The following TSGA10 variants were observed in gnomAD, a reference collection of about 807,000 sequenced individuals.
TSGA10 encodes testis specific 10.
TSGA10 carries 43 observed loss-of-function variants against 96.6 expected under a neutral mutation model. That is an observed-to-expected ratio of 0.44 (90% CI 0.35 to 0.57). The LOEUF (loss-of-function observed/expected upper bound fraction) is 0.57. TSGA10 is among the 20% of genes least tolerant of loss of function. The pLI is 0.01. For synonymous variants in TSGA10, 229 were observed against 269.9 expected (o/e 0.85, Z 1.48); for missense variants, 703 against 834.4 (o/e 0.84, Z 1.94).
rs559622304 is a variant in TSGA10, at chr2:99,029,422, T to TA, written c.1614+5807dup. ...ACAAATATATCTCAGTAAATGTATTTAAAAAAAAAGAAAAGCAAAGAAAAC... is the reference window on the plus strand; with the variant it reads ...ACAAATATATCTCAGTAAATGTATTTAAAAAAAAAAGAAAAGCAAAGAAAAC... On this transcript the variant is annotated intron_variant, in intron 17 of 20. Coordinates refer to ENST00000393483, the MANE Select transcript of TSGA10 (RefSeq NM_025244.4). 2.8e-3 allele frequency among the ~76,000 whole-genome samples: 429 copies of TA among 151,064 alleles called. 2 individuals are homozygous for TA. The highest frequency in any genetic ancestry group is 9.8e-3 in the African/African-American group (403 of 41,224).
chr2:99,019,241 G>C (rs947700627), intron 18 of TSGA10, among the ~76,000 whole-genome samples: 8 of 152,274 alleles, frequency 5.3e-5, no homozygotes, highest in Admixed American at 3.9e-4. Flanking sequence ...TAGTATCATA[G>C]ACTGCTGAAA....
chr2:99,022,132 C>A (rs1185608452), intron 17 of TSGA10, among the ~76,000 whole-genome samples: 2 of 151,836 alleles, frequency 1.3e-5, no homozygotes, highest in Non-Finnish European at 2.9e-5. Flanking sequence ...TTGAGACCAG[C>A]CTGGGCAACA....
In TSGA10 at chr2:99,102,789, T is replaced by C. The variant is rs531463010; in HGVS notation, c.611+1178A>G. ...TACTTACTGGTTTGGGAGTTGTGTA[T>C]AGTAATATGATTCTCATACCCAGAA... On this transcript the variant is annotated intron_variant, in intron 10 of 20. Coordinates refer to ENST00000393483, the MANE Select transcript of TSGA10 (RefSeq NM_025244.4). 3.2e-4 allele frequency: 478 copies of C among 1,491,402 alleles called. 3 individuals carry two copies. The South Asian group carries it at 5.2e-3, about 16-fold the overall frequency. 92.4% of individuals were successfully genotyped at this position (1,491,402 alleles called of 1,614,324 possible).
chr2:99,073,141 C>CA, intron 12 of TSGA10, 68 bp from the exon 13 acceptor site: 1 of 1,095,432 alleles, frequency 9.1e-7, no homozygotes, highest in Non-Finnish European at 1.3e-6. Context: ...ATTGAATGAA[C>CA]AAAAAGAAAA....
At chr2:99,081,490 A>T (rs1265919582) in intron 10 of TSGA10, 93 bp from the exon 11 acceptor site, 4 of 491,758 alleles carry the variant, frequency 8.1e-6, no homozygotes, top group African/African-American at 8.0e-5. Context: ...GGACACTAAT[A>T]TATTTATTTC....
intron 16 of TSGA10, among the ~76,000 whole-genome samples, chr2:99,043,644 T>G (rs1037082575): frequency 6.6e-6 from 1 of 152,172 alleles, no homozygotes; most frequent in Non-Finnish European, 1.5e-5. Context: ...GAAAAATGGC[T>G]TGTCAATTGC....
chr2:99,001,785 C>A (rs2077939016), intron 20 of TSGA10, among the ~76,000 whole-genome samples: 1 of 152,100 alleles, frequency 6.6e-6, no homozygotes, highest in Non-Finnish European at 1.5e-5. Flanking sequence ...ATAGAGAAGA[C>A]CTTAAATGAC....
intron 16 of TSGA10, among the ~76,000 whole-genome samples, chr2:99,045,722 C>A (rs2082697926): frequency 6.6e-6 from 1 of 152,138 alleles, no homozygotes; most frequent in East Asian, 1.9e-4. Flanking sequence ...GGATCAAATT[C>A]ACACATGACA....
chr2:99,009,685 A>C (rs1195930938), intron 20 of TSGA10, among the ~76,000 whole-genome samples: 1 of 152,056 alleles, frequency 6.6e-6, no homozygotes, highest in Non-Finnish European at 1.5e-5. Flanking sequence ...TAGTAACTAC[A>C]TTGATATTGT....
At chr2:99,059,480 C>CAA (rs199997627) in intron 16 of TSGA10, among the ~76,000 whole-genome samples, 1 of 149,966 alleles carries the variant, frequency 6.7e-6, no homozygotes, top group African/African-American at 2.5e-5. Context: ...ATTAAAAATA[C>CAA]AAAAAAAAAT....
intron 7 of TSGA10, among the ~76,000 whole-genome samples, chr2:99,106,590 A>G (rs1200539215): frequency 1.3e-5 from 2 of 151,952 alleles, no homozygotes; most frequent in Non-Finnish European, 2.9e-5. Flanking sequence ...ACTATTGCCA[A>G]TGGTTCCTTA....
intron 4 of TSGA10, among the ~76,000 whole-genome samples, chr2:99,111,887 T>C (rs2091852425): frequency 2.0e-5 from 3 of 152,142 alleles, no homozygotes; most frequent in Admixed American, 2.0e-4. Flanking sequence ...AAACAGAGTA[T>C]CTGGTATGAC....
In TSGA10 at chr2:99,055,579, T is replaced by C. The variant is rs556518930; in HGVS notation, c.1404+9360A>G. ...TATATTAAAATATCACATTGTACAC[T>C]GTAAACAATACAATTTTTTATTTGG... is the stretch of plus-strand genomic sequence containing the variant. On this transcript the variant is annotated intron_variant, in intron 16 of 20. Coordinates refer to ENST00000393483, the MANE Select transcript of TSGA10 (RefSeq NM_025244.4). 2.6e-5 allele frequency among the ~76,000 whole-genome samples: 4 copies of C among 152,220 alleles called. No individual in the cohort carries two copies. The East Asian group carries it at 7.7e-4, about 29-fold the overall frequency.
chr2:99,121,658 G>A (rs1225528693), intron 2 of TSGA10, among the ~76,000 whole-genome samples: 6 of 152,042 alleles, frequency 3.9e-5, no homozygotes, highest in Non-Finnish European at 7.4e-5. Context: ...TTTTAGTAGA[G>A]ATGGGGTTTT....
intron 16 of TSGA10, 88 bp downstream of exon 16, chr2:99,064,845 CGTGTTT>C: frequency 9.8e-7 from 1 of 1,021,506 alleles, no homozygotes; most frequent in Non-Finnish European, 1.4e-6. Context: ...AAATAATTTA[CGTGTTT>C]GTTCATACAT....
Position 99,143,320 on chromosome 2 carries a change from T to G in TSGA10, c.-621+11373A>C, listed in dbSNP as rs2093596444. Among the ~76,000 whole-genome samples, 3 of 151,034 alleles carry G rather than the reference T, an allele frequency of 2.0e-5. No individual in the cohort carries two copies. The South Asian group carries it at 6.3e-4, about 32-fold the overall frequency. On this transcript the variant is annotated intron_variant, in intron 1 of 20. Transcript: ENST00000393483. ...CTACGCCCAGCTTTTTTTTTGTTTG[T>G]TTTTTGTTTTTTGTATTTTTAGTAG...
intron 10 of TSGA10, among the ~76,000 whole-genome samples, chr2:99,088,181 T>C (rs1013320043): frequency 2.0e-5 from 3 of 152,358 alleles, no homozygotes; most frequent in Admixed American, 6.5e-5. Flanking sequence ...AGAGAGATGA[T>C]AATTCGGTGT....
intron 4 of TSGA10, among the ~76,000 whole-genome samples, chr2:99,114,083 C>A (rs1201902851): frequency 6.6e-6 from 1 of 152,026 alleles, no homozygotes; most frequent in African/African-American, 2.4e-5. Context: ...TAAATACTTC[C>A]CAGTGAATAC....
intron 15 of TSGA10, among the ~76,000 whole-genome samples, chr2:99,068,165 C>T (rs1474128332): frequency 6.6e-6 from 1 of 152,140 alleles, no homozygotes; most frequent in Non-Finnish European, 1.5e-5. Flanking sequence ...TGTCTCAAAG[C>T]CCTTAACAGT....
Sources: allele counts gnomAD v4.1 joint callset (sites outside exome capture counted in the v4.1 genomes callset), GRCh38; gene constraint gnomAD v4.1.1; transcripts MANE v1.5; gene names NCBI Gene and HGNC (gene_info 2026-07-23, HGNC 2026-07-21).